The following COL6A6 variants were observed in gnomAD, a reference collection of about 807,000 sequenced individuals.
The protein encoded by COL6A6 is collagen type VI alpha 6 chain, also known as collagen alpha-6(VI) chain.
In COL6A6, 183 loss-of-function variants were observed where a neutral mutation model predicts 208.6. That is an observed-to-expected ratio of 0.88 (90% CI 0.78 to 0.99). COL6A6 has a LOEUF of 0.99. Ranked by LOEUF, COL6A6 falls within the 50% of genes least tolerant of loss-of-function variation. The probability of loss-of-function intolerance (pLI) is 0.00; values close to 1 mark genes in which losing one functional copy is unlikely to be tolerated. For missense variants in COL6A6, 2,816 were observed against 2,815.2 expected, an observed-to-expected ratio of 1.00 and a Z score of -0.01; for synonymous variants, 973 against 1,011.8, an observed-to-expected ratio of 0.96 and a Z score of 0.73.
chr3:130,622,583 C>T (rs1048108743), intron 24 of COL6A6, among the ~76,000 whole-genome samples: 7 of 152,182 alleles, frequency 4.6e-5, no homozygotes, highest in East Asian at 1.9e-4. Flanking sequence ...TTGAGCCGGG[C>T]GTGGTGGCTC....
intron 20 of COL6A6, 41 bp from the exon 21 acceptor site, chr3:130,606,890 T>C: frequency 6.4e-7 from 1 of 1,562,744 alleles, no homozygotes; most frequent in Non-Finnish European, 8.7e-7. Flanking sequence ...TAAAAAGCAT[T>C]TTTTCTGAAT....
At chr3:130,615,896 C>T (rs1450199043) in intron 23 of COL6A6, among the ~76,000 whole-genome samples, 1 of 152,134 alleles carries the variant, frequency 6.6e-6, no homozygotes, top group Non-Finnish European at 1.5e-5. Flanking sequence ...CTTGCTTTGG[C>T]AAGATTGGTC....
chr3:130,561,141 C>T lies in COL6A6; in HGVS notation c.64+713C>T, dbSNP rs144913927. Among the ~76,000 whole-genome samples, 648 of 152,336 alleles carry T rather than the reference C, an allele frequency of 4.3e-3. 4 individuals are homozygous for T. The highest frequency in any genetic ancestry group is 0.015 in the African/African-American group (615 of 41,578). ...TTCCTCCATTGTTTCATGGTTCAGA[C>T]GTAGTGATGGACCTTATCAGAACCT... On this transcript the variant is annotated intron_variant, in intron 2 of 36. Coordinates refer to ENST00000358511, the MANE Select transcript of COL6A6 (RefSeq NM_001102608.3).
At chr3:130,518,449 A>G (rs1710867790) in intron 1 of COL6A6, among the ~76,000 whole-genome samples, 1 of 152,260 alleles carries the variant, frequency 6.6e-6, no homozygotes, top group Non-Finnish European at 1.5e-5. Flanking sequence ...CTTCTAAATA[A>G]TGTTCTTTAA....
chr3:130,523,686 ACAT>A (rs1041841841), intron 1 of COL6A6, among the ~76,000 whole-genome samples: 1 of 152,204 alleles, frequency 6.6e-6, no homozygotes, highest in Non-Finnish European at 1.5e-5. Flanking sequence ...AGTAAAGGCT[ACAT>A]CCTGGAAGGT....
At chr3:130,593,619 C>A (rs2063776151) in intron 17 of COL6A6, among the ~76,000 whole-genome samples, 1 of 152,216 alleles carries the variant, frequency 6.6e-6, no homozygotes, top group Non-Finnish European at 1.5e-5. Context: ...TCAGAACTCT[C>A]TCAACACTTG....
chr3:130,577,994 G>A (rs2063335009), intron 8 of COL6A6, among the ~76,000 whole-genome samples: 3 of 152,122 alleles, frequency 2.0e-5, no homozygotes, highest in Admixed American at 6.5e-5. Context: ...AATATACGTG[G>A]TATTTTCTTA....
intron 6 of COL6A6, among the ~76,000 whole-genome samples, chr3:130,569,938 G>A (rs2063120424): frequency 1.3e-5 from 2 of 152,116 alleles, no homozygotes; most frequent in Non-Finnish European, 2.9e-5. Context: ...CTGGGGGGTG[G>A]GTGCTTTCTC....
chr3:130,604,059 A>T (rs2064106753), intron 20 of COL6A6, among the ~76,000 whole-genome samples: 1 of 152,208 alleles, frequency 6.6e-6, no homozygotes, highest in Non-Finnish European at 1.5e-5. Flanking sequence ...CCATTAAGAT[A>T]TTTTGGAATT....
Position 130,568,095 on chromosome 3 carries a change from G to A in COL6A6, c.1892G>A (p.Gly631Glu). The A allele has an allele frequency of 6.2e-7, 1 of 1,613,940 alleles. No individual in the cohort carries two copies. Among genetic ancestry groups the A allele is most frequent in the Middle Eastern group, 1.7e-4 (1 of 6,060 alleles). Residue 631 changes from glycine (G) to glutamate (E), a missense_variant, in exon 6 of 37, where the codon GGA becomes GAA. By Grantham distance (98) the Gly-to-Glu change is moderately conservative. Coordinates refer to ENST00000358511, the MANE Select transcript of COL6A6 (RefSeq NM_001102608.3). ...ADIMFLVDSS[G>E]SIGPENFSKM... ...ATCATGTTTCTGGTGGACAGTTCTG[G>A]AAGTATAGGACCTGAAAACTTCAGC... is the stretch of plus-strand genomic sequence containing the variant.
rs971947332 is a variant in COL6A6, at chr3:130,596,286, GT to G, written c.4533+1946del. Among the ~76,000 whole-genome samples, 10 of 152,186 alleles carry G rather than the reference GT, an allele frequency of 6.6e-5. No homozygotes were observed. In the South Asian group the frequency reaches 1.0e-3, roughly 16 times the overall value. ...GAAATATTAGTTCAAATACAAAGAC[GT>G]TTCAGTTATCCATATATGATGACCA... is the stretch of plus-strand genomic sequence containing the variant. On this transcript the variant is annotated intron_variant, in intron 18 of 36. Transcript: ENST00000358511.
chr3:130,563,234 T>C lies in COL6A6; in HGVS notation c.231T>C (p.Ser77=). The change falls in exon 3 of 37, where the codon AGT becomes AGC. Residue 77 remains serine, a synonymous_variant. Coordinates refer to ENST00000358511, the MANE Select transcript of COL6A6 (RefSeq NM_001102608.3). The part of the protein sequence containing the change: ...ALAQYSDKLH[S]EFHLSTFKGR... ...CCCAGTACAGTGATAAACTTCACAGTGAATTCCACCTGAGCACCTTCAAAG... is the reference window on the plus strand; with the variant it reads ...CCCAGTACAGTGATAAACTTCACAGCGAATTCCACCTGAGCACCTTCAAAG... 1.2e-6 allele frequency: 2 copies of C among 1,614,014 alleles called. No homozygotes were observed. The highest frequency in any genetic ancestry group is 1.7e-6 in the Non-Finnish European group (2 of 1,179,886).
intron 22 of COL6A6, among the ~76,000 whole-genome samples, chr3:130,609,952 C>CT (rs1054764231): frequency 0.036 from 4,212 of 116,236 alleles, 90 homozygotes; most frequent in African/African-American, 0.045. Flanking sequence ...GGAAAGCTCA[C>CT]TTTTTTTTTT....
intron 36 of COL6A6, among the ~76,000 whole-genome samples, chr3:130,673,219 A>AAAAAAAAAAAAACC (rs2066271480): frequency 1.8e-5 from 2 of 109,630 alleles, no homozygotes; most frequent in African/African-American, 1.2e-4. Context: ...AAAAAAAACA[A>AAAAAAAAAAAAACC]AAAAAAAAAA....
At chr3:130,562,965 TAAAAATAA>T (rs1287609217) in intron 2 of COL6A6, 95 bp from the exon 3 acceptor site, 1 of 827,966 alleles carries the variant, frequency 1.2e-6, no homozygotes, top group Non-Finnish European at 1.9e-6. Context: ...GAAGGTATTT[TAAAAATAA>T]AAAGGAAAGT....
Position 130,565,559 on chromosome 3 carries a change from C to T in COL6A6, c.1227C>T (p.Asn409=). The T allele has an allele frequency of 6.2e-7, 1 of 1,613,688 alleles. No homozygotes were observed. The change falls in exon 4 of 37, where the codon AAC becomes AAT. Residue 409 remains asparagine, a synonymous_variant. Coordinates refer to ENST00000358511, the MANE Select transcript of COL6A6 (RefSeq NM_001102608.3). ...HNQTFLKKLR[N]QITHTVSVFS... is the part of the protein sequence containing the mutation. ...AGACATTTCTGAAGAAGCTGCGGAA[C>T]CAAATAACACACACAGTCTCTGTCT...
chr3:130,658,835 C>A (rs1345603114), intron 34 of COL6A6, 63 bp downstream of exon 34: 1 of 1,179,912 alleles, frequency 8.5e-7, no homozygotes, highest in Non-Finnish European at 1.2e-6. Context: ...TCACCACTGG[C>A]AGGGGCAACT....
intron 20 of COL6A6, among the ~76,000 whole-genome samples, chr3:130,603,279 C>G (rs1465497949): frequency 6.6e-6 from 1 of 152,190 alleles, no homozygotes; most frequent in Non-Finnish European, 1.5e-5. Flanking sequence ...TAGGCCTCCG[C>G]CCATTAGCTG....
Position 130,556,735 on chromosome 3 carries a change from G to A in COL6A6, c.-31-3599G>A, listed in dbSNP as rs147974846. ...GCACATAATTTCTAGTGGATTCTTT[G>A]CACTATTAAAATTTTAGTCCCCTGA... On this transcript the variant is annotated intron_variant, in intron 1 of 36. Coordinates refer to ENST00000358511, the MANE Select transcript of COL6A6 (RefSeq NM_001102608.3). Among the ~76,000 whole-genome samples the A allele has an allele frequency of 7.2e-3, 1,094 of 151,744 alleles. 8 individuals are homozygous for A. Among genetic ancestry groups the A allele is most frequent in the African/African-American group, 0.025 (1,030 of 41,358 alleles).
Sources: allele counts gnomAD v4.1 joint callset (sites outside exome capture counted in the v4.1 genomes callset), GRCh38; gene constraint gnomAD v4.1.1; transcripts MANE v1.5; gene names NCBI Gene and HGNC (gene_info 2026-07-23, HGNC 2026-07-21).